The following UGT1A10 variants were observed in gnomAD, a reference collection of about 807,000 sequenced individuals.
UGT1A10 encodes the protein UDP-glucuronosyltransferase 1A10.
A neutral mutation model predicts 45.8 loss-of-function variants in UGT1A10; 49 were observed. The ratio of observed to expected loss-of-function variants is 1.07; its 90% CI spans 0.85 to 1.36. UGT1A10 has a LOEUF of 1.36. UGT1A10 is among the 40% of genes most tolerant of loss of function. UGT1A10 has a pLI of 0.00. For missense variants in UGT1A10, 745 were observed against 668.6 expected, an observed-to-expected ratio of 1.11 and a Z score of -1.26; for synonymous variants, 284 against 249.7, an observed-to-expected ratio of 1.14 and a Z score of -1.29.
intron 1 of UGT1A10, chr2:233,747,383 G>C: frequency 6.2e-7 from 1 of 1,605,558 alleles, no homozygotes; most frequent in Non-Finnish European, 8.5e-7. Context: ...GAGGCCACCA[G>C]GCGGTGGTCC....
chr2:233,767,167 T>C lies in UGT1A10; in HGVS notation c.987+2T>C. ...GCTTTGGGCAAAATCCCTCAGACAG[T>C]AAGAAGATTCTATACCATGGCCTCA... On this transcript the variant is annotated splice_donor_variant, in intron 2 of 4. Coordinates refer to ENST00000344644, the MANE Select transcript of UGT1A10 (RefSeq NM_019075.4). LOFTEE classifies it high-confidence loss of function. The C allele has an allele frequency of 2.5e-6, 4 of 1,614,068 alleles. No homozygotes were observed. The highest frequency in any genetic ancestry group is 3.4e-6 in the Non-Finnish European group (4 of 1,180,002).
intron 1 of UGT1A10, chr2:233,672,376 G>A (rs767982435): frequency 1.1e-5 from 17 of 1,613,854 alleles, no homozygotes; most frequent in Admixed American, 1.0e-4. Flanking sequence ...AGTGTTTCTC[G>A]ATCCTTTTGA....
In UGT1A10 at chr2:233,640,936, A is replaced by G. The variant is rs28969978; in HGVS notation, c.855+3559A>G. ...GCAAAAAAGAAAAAGCAGATGAACT[A>G]TAAGTCTCCCTTTCTTCATGGTCTA... On this transcript the variant is annotated intron_variant, in intron 1 of 4. Transcript: ENST00000344644. 4.6e-3 allele frequency among the ~76,000 whole-genome samples: 707 copies of G among 152,312 alleles called. 7 individuals are homozygous for G. The highest frequency in any genetic ancestry group is 0.016 in the African/African-American group (670 of 41,570).
chr2:233,749,735 T>C (rs1694263378), intron 1 of UGT1A10, among the ~76,000 whole-genome samples: 1 of 151,892 alleles, frequency 6.6e-6, no homozygotes, highest in Non-Finnish European at 1.5e-5. Context: ...CACCTGCTGG[T>C]CTCATCATAG....
At chr2:233,654,861 G>A (rs754981919) in intron 1 of UGT1A10, among the ~76,000 whole-genome samples, 76 of 152,192 alleles carry the variant, frequency 5.0e-4, no homozygotes, top group Non-Finnish European at 9.4e-4. Context: ...GGAAACTGAG[G>A]TGGGCGGATC....
At chr2:233,677,887 C>G (rs562690074) in intron 1 of UGT1A10, among the ~76,000 whole-genome samples, 6 of 152,048 alleles carry the variant, frequency 3.9e-5, no homozygotes, top group Admixed American at 6.5e-5. Flanking sequence ...CATTGCAGCT[C>G]TATTCAGAAT....
At chr2:233,660,229 A>T (rs1409502313) in intron 1 of UGT1A10, among the ~76,000 whole-genome samples, 2 of 152,172 alleles carry the variant, frequency 1.3e-5, no homozygotes, top group Non-Finnish European at 2.9e-5. Flanking sequence ...GATTTTCATG[A>T]TGTTCGCCCC....
At position 233,747,983 on chromosome 2, in the gene UGT1A10, C is replaced by G. The variant is rs539831908; in HGVS notation, c.856-19051C>G. ...TCAGCCATGCATCTGTGTGGCTGTT[C>G]CGAGGGGACTTTGTGATGGATTACC... On this transcript the variant is annotated intron_variant, in intron 1 of 4. Transcript: ENST00000344644. The G allele has an allele frequency of 4.2e-5, 67 of 1,613,418 alleles. 2 individuals are homozygous for G. In the African/African-American group the frequency reaches 7.6e-4, roughly 18 times the overall value.
At chr2:233,731,424 A>G (rs1264349452) in intron 1 of UGT1A10, among the ~76,000 whole-genome samples, 1 of 151,642 alleles carries the variant, frequency 6.6e-6, no homozygotes, top group East Asian at 1.9e-4. Context: ...TCCTAATGCC[A>G]TCCCTCCCCC....
chr2:233,701,753 A>G (rs540599933), intron 1 of UGT1A10, among the ~76,000 whole-genome samples: 7 of 152,372 alleles, frequency 4.6e-5, no homozygotes, highest in Non-Finnish European at 1.0e-4. Context: ...TACTGGGTAC[A>G]TAACGAAATG....
intron 1 of UGT1A10, chr2:233,647,913 G>A (rs2073643402): frequency 1.3e-6 from 2 of 1,591,244 alleles, no homozygotes; most frequent in Non-Finnish European, 1.7e-6. Context: ...CTCCAGGGAA[G>A]GTAGATCACT....
intron 1 of UGT1A10, chr2:233,721,743 A>G: frequency 2.3e-6 from 1 of 437,974 alleles, no homozygotes; most frequent in Non-Finnish European, 4.5e-6. Flanking sequence ...TAATGATGAG[A>G]GAATCTACAT....
intron 1 of UGT1A10, among the ~76,000 whole-genome samples, chr2:233,733,174 GC>G (rs2078363490): frequency 6.6e-6 from 1 of 152,204 alleles, no homozygotes; most frequent in South Asian, 2.1e-4. Context: ...CTGGGACTTT[GC>G]TGAAGTTGCT....
chr2:233,636,815 G>A lies in UGT1A10; in HGVS notation c.293G>A (p.Trp98Ter). 6.2e-7 allele frequency: 1 copy of A among 1,614,180 alleles called. No homozygotes were observed. The highest frequency in any genetic ancestry group is 2.2e-5 in the East Asian group (1 of 44,886). The part of the protein sequence containing the change: ...REFMVFAHAQ[W>*]KAQAQSIFSL... ...TTCATGGTTTTCGCCCATGCTCAATGGAAAGCACAGGCACAAAGTATATTT... is the reference window on the plus strand; with the variant it reads ...TTCATGGTTTTCGCCCATGCTCAATAGAAAGCACAGGCACAAAGTATATTT... The change falls in exon 1 of 5, where the codon TGG becomes TAG. Residue 98 changes from tryptophan to a stop codon, truncating the protein, a stop_gained. Coordinates refer to ENST00000344644, the MANE Select transcript of UGT1A10 (RefSeq NM_019075.4). LOFTEE classifies it high-confidence loss of function.
chr2:233,762,063 T>A (rs1697956062), intron 1 of UGT1A10, among the ~76,000 whole-genome samples: 1 of 152,180 alleles, frequency 6.6e-6, no homozygotes, highest in Non-Finnish European at 1.5e-5. Flanking sequence ...TCATAGCACA[T>A]CAAATATGGC....
chr2:233,700,907 G>A (rs985233948), intron 1 of UGT1A10, among the ~76,000 whole-genome samples: 6 of 151,214 alleles, frequency 4.0e-5, no homozygotes, highest in Non-Finnish European at 7.4e-5. Flanking sequence ...GGTGTGTGAC[G>A]TTCCTCTTCC....
intron 1 of UGT1A10, among the ~76,000 whole-genome samples, chr2:233,675,660 T>C (rs2602380): frequency 0.62 from 93,620 of 152,006 alleles, 29,083 homozygotes; most frequent in South Asian, 0.65. Context: ...ACATACACAA[T>C]GGAGAGACTC....
At chr2:233,752,552 G>C (rs942776893) in intron 1 of UGT1A10, 3 of 152,120 alleles carry the variant, frequency 2.0e-5, no homozygotes, top group Admixed American at 1.3e-4. Flanking sequence ...GCTCTTGCTG[G>C]GACAACATAG....
intron 1 of UGT1A10, among the ~76,000 whole-genome samples, chr2:233,663,380 T>A (rs2074013112): frequency 6.6e-6 from 1 of 152,112 alleles, no homozygotes; most frequent in South Asian, 2.1e-4. Context: ...GAGTGCTGAT[T>A]GGTCAGGGAT....
Sources: gnomAD v4.1 joint callset for allele counts (sites outside exome capture counted in the v4.1 genomes callset) on GRCh38, gnomAD v4.1.1 for gene constraint, MANE v1.5 for transcripts, NCBI Gene and HGNC (gene_info 2026-07-23, HGNC 2026-07-21) for gene names.